The following PLEKHA5 variants were observed in gnomAD, a reference collection of about 807,000 sequenced individuals.
PLEKHA5 encodes the protein pleckstrin homology domain containing A5, also known as pleckstrin homology domain-containing family A member 5.
A neutral mutation model predicts 181.9 loss-of-function variants in PLEKHA5; 55 were observed. The ratio of observed to expected loss-of-function variants is 0.30; its 90% CI spans 0.24 to 0.38. The LOEUF is 0.38. Among genes scored for constraint, PLEKHA5 ranks in the 10% least tolerant of loss-of-function variants. The probability of loss-of-function intolerance (pLI) is 1.00; values close to 1 mark genes in which losing one functional copy is unlikely to be tolerated. For missense variants in PLEKHA5, 1,432 were observed against 1,549.5 expected (o/e 0.92, Z 1.27); for synonymous variants, 535 against 529.4 (o/e 1.01, Z -0.15).
At chr12:19,189,709 T>C (rs1411066493) in intron 3 of PLEKHA5, among the ~76,000 whole-genome samples, 2 of 152,180 alleles carry the variant, frequency 1.3e-5, no homozygotes, top group Non-Finnish European at 2.9e-5. Flanking sequence ...TATCAACATA[T>C]TCATGCTATT....
Position 19,129,763 on chromosome 12 carries a change from A to C in PLEKHA5, c.-37A>C. ...CTCCTCCCTCGGCAGCCGCGGCGGC[A>C]GCAGGAGAAGGCGGCGGCGGCGGCT... On this transcript the variant is annotated 5_prime_UTR_variant, in exon 1 of 32. Coordinates refer to ENST00000429027, the MANE Select transcript of PLEKHA5 (RefSeq NM_001256470.2). 1 of 1,492,156 alleles carries C rather than the reference A, an allele frequency of 6.7e-7. No individual in the cohort carries two copies. Among genetic ancestry groups the C allele is most frequent in the Non-Finnish European group, 9.2e-7 (1 of 1,082,658 alleles). The allele number at this position is 1,492,156 out of a possible 1,614,324, so 92.4% of individuals were successfully genotyped here.
intron 10 of PLEKHA5, among the ~76,000 whole-genome samples, chr12:19,270,807 C>T (rs1415184987): frequency 2.6e-5 from 4 of 151,996 alleles, no homozygotes; most frequent in African/African-American, 9.6e-5. Context: ...TTTCCCTCTT[C>T]TTTTTTTTCC....
chr12:19,174,722 A>G (rs967563105), intron 3 of PLEKHA5, among the ~76,000 whole-genome samples: 2 of 152,148 alleles, frequency 1.3e-5, no homozygotes. Flanking sequence ...TAAGCCTTTT[A>G]TTATTTACAT....
chr12:19,197,677 TGTGTGTG>T (rs1324477666), intron 3 of PLEKHA5, among the ~76,000 whole-genome samples: 1 of 2,950 alleles, frequency 3.4e-4, no homozygotes, highest in African/African-American at 5.9e-4. Flanking sequence ...TATCCGGTGC[TGTGTGTG>T]TGTGTGTGTG....
In PLEKHA5 at chr12:19,375,695, G is replaced by C. The variant is rs1356195620; in HGVS notation, c.*176G>C. The C allele has an allele frequency of 1.3e-5, 2 of 152,524 alleles. No individual in the cohort carries two copies. Among genetic ancestry groups the C allele is most frequent in the Non-Finnish European group, 2.9e-5 (2 of 68,028 alleles). The allele number at this position is 152,524 out of a possible 1,614,324, so 9.4% of individuals were successfully genotyped here. ...TCTGGAAAATGTTTATTCCAAAACA[G>C]CTTTAATGGCCCATATGTACACTTC... On this transcript the variant is annotated 3_prime_UTR_variant, in exon 32 of 32. Coordinates refer to ENST00000429027, the MANE Select transcript of PLEKHA5 (RefSeq NM_001256470.2).
intron 3 of PLEKHA5, among the ~76,000 whole-genome samples, chr12:19,238,737 A>C (rs1325622340): frequency 1.3e-5 from 2 of 151,240 alleles, no homozygotes; most frequent in East Asian, 3.9e-4. Flanking sequence ...GTTGCTACTA[A>C]AGTTCAAGTG....
At chr12:19,354,900 C>A (rs1256066389) in intron 26 of PLEKHA5, among the ~76,000 whole-genome samples, 1 of 152,158 alleles carries the variant, frequency 6.6e-6, no homozygotes, top group Non-Finnish European at 1.5e-5. Context: ...TTTGTAGAAT[C>A]TATTCTCTAA....
At chr12:19,226,540 A>G (rs2059718272) in intron 3 of PLEKHA5, among the ~76,000 whole-genome samples, 1 of 152,228 alleles carries the variant, frequency 6.6e-6, no homozygotes, top group Non-Finnish European at 1.5e-5. Context: ...TGCACCATTT[A>G]CATTCCTGTC....
chr12:19,338,151 G>T (rs990875275), intron 21 of PLEKHA5, among the ~76,000 whole-genome samples: 2 of 152,060 alleles, frequency 1.3e-5, no homozygotes, highest in African/African-American at 4.8e-5. Flanking sequence ...TGACTATTGT[G>T]ACTACACAAT....
At chr12:19,228,083 T>C (rs1195188725) in intron 3 of PLEKHA5, among the ~76,000 whole-genome samples, 2 of 152,220 alleles carry the variant, frequency 1.3e-5, no homozygotes, top group African/African-American at 4.8e-5. Flanking sequence ...TAAGTGAAAC[T>C]ACTTCATGGG....
At chr12:19,365,629 CTG>C (rs537344757) in intron 29 of PLEKHA5, among the ~76,000 whole-genome samples, 234 of 152,216 alleles carry the variant, frequency 1.5e-3, no homozygotes, top group African/African-American at 5.2e-3. Flanking sequence ...TAAGCACTGA[CTG>C]GATATTTGAT....
At chr12:19,269,262 C>A (rs1388188112) in intron 8 of PLEKHA5, among the ~76,000 whole-genome samples, 2 of 152,010 alleles carry the variant, frequency 1.3e-5, no homozygotes, top group Non-Finnish European at 2.9e-5. Context: ...TGGCACATGC[C>A]TGTAATCCCA....
intron 25 of PLEKHA5, among the ~76,000 whole-genome samples, chr12:19,348,984 A>G (rs1447350708): frequency 1.3e-5 from 2 of 151,896 alleles, no homozygotes; most frequent in African/African-American, 4.8e-5. Flanking sequence ...AAAAGACATC[A>G]CATCAGATTA....
At chr12:19,307,046 C>A (rs1309997601) in intron 15 of PLEKHA5, 9 of 1,460,890 alleles carry the variant, frequency 6.2e-6, no homozygotes, top group Non-Finnish European at 8.6e-6. Context: ...CTTGGGCTTC[C>A]TGGAGCAAAC....
At chr12:19,247,305 GCTTTAGCTTTCT>G (rs2063995841) in intron 3 of PLEKHA5, among the ~76,000 whole-genome samples, 3 of 152,156 alleles carry the variant, frequency 2.0e-5, no homozygotes, top group South Asian at 4.1e-4. Context: ...GGAGCTGTGT[GCTTTAGCTTTCT>G]CTTTTTATCT....
chr12:19,353,839 G>A lies in PLEKHA5; in HGVS notation c.3020-45G>A, dbSNP rs769714265. The A allele has an allele frequency of 7.1e-6, 6 of 850,290 alleles. No homozygotes were observed. The Admixed American group carries it at 9.3e-5, about 13-fold the overall frequency. The allele number at this position is 850,290 out of a possible 1,614,324, so 52.7% of individuals were successfully genotyped here. A position where few individuals can be genotyped will look rare whatever the true frequency, so the allele number is the denominator to read the frequency against. On this transcript the variant is annotated intron_variant, in intron 25 of 31. Transcript: ENST00000429027. ...AAGTAAGCTAAAAGAAAGCAATGCT[G>A]TATAAAAGATGTTTTGTAAAACTTA... is the stretch of plus-strand genomic sequence containing the variant.
intron 30 of PLEKHA5, among the ~76,000 whole-genome samples, chr12:19,367,258 C>CTTTTTTTTTTTTTTTTTTTTTTT (rs376634416): frequency 1.4e-5 from 1 of 72,004 alleles, no homozygotes; most frequent in Non-Finnish European, 2.5e-5. Flanking sequence ...TTTGCTTCTT[C>CTTTTTTTTTTTTTTTTTTTTTTT]TTTTTTTTTT....
chr12:19,301,739 A>T (rs1474593876), intron 15 of PLEKHA5, among the ~76,000 whole-genome samples: 1 of 152,242 alleles, frequency 6.6e-6, no homozygotes, highest in Non-Finnish European at 1.5e-5. Flanking sequence ...AAAACGTATG[A>T]TAATTTATTC....
Position 19,359,534 on chromosome 12 carries a change from C to G in PLEKHA5, c.3471C>G (p.Asp1157Glu). 1.9e-6 allele frequency: 3 copies of G among 1,613,848 alleles called. No individual in the cohort carries two copies. The highest frequency in any genetic ancestry group is 2.5e-6 in the Non-Finnish European group (3 of 1,179,840). ...QLKETEPQNV[D>E]FSKELKKTEN... ...AAGAAACCGAACCCCAAAATGTGGACTTCAGCAAAGAGGTAGCGAGATTAT... is the reference window on the plus strand; with the variant it reads ...AAGAAACCGAACCCCAAAATGTGGAGTTCAGCAAAGAGGTAGCGAGATTAT... The change falls in exon 28 of 32, where the codon GAC (aspartate) becomes GAG (glutamate). Residue 1157 changes from aspartate to glutamate, a missense_variant. Asp to Glu is a conservative substitution (Grantham distance 45, BLOSUM62 2). Transcript: ENST00000429027.
Sources: allele counts gnomAD v4.1 joint callset (sites outside exome capture counted in the v4.1 genomes callset), GRCh38; gene constraint gnomAD v4.1.1; transcripts MANE v1.5; gene names NCBI Gene and HGNC (gene_info 2026-07-23, HGNC 2026-07-21).